The following DCC variants were observed in gnomAD, a reference collection of about 807,000 sequenced individuals.
DCC encodes the protein DCC netrin 1 receptor.
DCC carries 58 observed loss-of-function variants against 172.5 expected under a neutral mutation model. The observed-to-expected ratio is 0.34, with a 90% confidence interval of 0.27 to 0.42. The LOEUF (loss-of-function observed/expected upper bound fraction) is 0.42, where lower values mean the gene tolerates loss of function less well. Among genes scored for constraint, DCC ranks in the 10% least tolerant of loss-of-function variants. DCC has a pLI of 1.00. For synonymous variants in DCC, 709 were observed against 644.5 expected (o/e 1.10, Z -1.52); for missense variants, 1,740 against 1,791.0 (o/e 0.97, Z 0.51).
chr18:53,465,077 A>G (rs1743415208), intron 24 of DCC, among the ~76,000 whole-genome samples: 1 of 151,820 alleles, frequency 6.6e-6, no homozygotes, highest in African/African-American at 2.4e-5. Context: ...AGCACATTAG[A>G]TAGTGTTTTA....
chr18:53,281,918 T>A (rs1278556421), intron 12 of DCC, among the ~76,000 whole-genome samples: 2 of 152,026 alleles, frequency 1.3e-5, no homozygotes, highest in African/African-American at 4.8e-5. Context: ...TACGCTGGGG[T>A]AGGATAAAGT....
In DCC at chr18:52,960,052, T is replaced by G. The variant is rs142366421; in HGVS notation, c.985+34682T>G. 5.9e-5 allele frequency among the ~76,000 whole-genome samples: 9 copies of G among 152,208 alleles called. No individual in the cohort carries two copies. In the East Asian group the frequency reaches 1.7e-3, roughly 29 times the overall value. On this transcript the variant is annotated intron_variant, in intron 5 of 28. Coordinates refer to ENST00000442544, the MANE Select transcript of DCC (RefSeq NM_005215.4). Reference sequence around the variant, plus strand: ...TGAAAAGGTATAGTTTCTACTAACATGGACTTTAAGTAGGCTTGGAGATAC... The same window carrying G: ...TGAAAAGGTATAGTTTCTACTAACAGGGACTTTAAGTAGGCTTGGAGATAC...
intron 1 of DCC, among the ~76,000 whole-genome samples, chr18:52,494,347 T>C (rs2030658713): frequency 6.6e-6 from 1 of 151,564 alleles, no homozygotes; most frequent in Non-Finnish European, 1.5e-5. Context: ...GGAGTTCACT[T>C]AGATTCTCGG....
chr18:53,407,718 T>G (rs1909758163), intron 19 of DCC, among the ~76,000 whole-genome samples: 1 of 151,720 alleles, frequency 6.6e-6, no homozygotes, highest in African/African-American at 2.4e-5. Flanking sequence ...AATGTGTGTA[T>G]GTACACACAC....
At chr18:53,496,337 T>C (rs924747211) in intron 26 of DCC, among the ~76,000 whole-genome samples, 1 of 151,776 alleles carries the variant, frequency 6.6e-6, no homozygotes, top group African/African-American at 2.4e-5. Context: ...TCCAACAAAC[T>C]CCAGCAGACC....
intron 5 of DCC, among the ~76,000 whole-genome samples, chr18:53,033,124 T>C (rs1031774156): frequency 2.6e-5 from 4 of 152,078 alleles, no homozygotes; most frequent in African/African-American, 9.7e-5. Flanking sequence ...CAATGACTTA[T>C]AGAAATAAGA....
rs543513595 is a variant in DCC, at chr18:53,086,443, T to A, written c.1261+20277T>A. On this transcript the variant is annotated intron_variant, in intron 7 of 28. Coordinates refer to ENST00000442544, the MANE Select transcript of DCC (RefSeq NM_005215.4). ...CTTCTTCTTCCTTTCTTCTTCTTCT[T>A]CTTCTTCCTTTCTTCTTCTTCTTCT... Among the ~76,000 whole-genome samples the A allele has an allele frequency of 2.1e-4, 10 of 47,446 alleles. 3 individuals carry two copies. In the African/African-American group the frequency reaches 2.5e-3, roughly 12 times the overall value. 31.1% of individuals were successfully genotyped at this position (47,446 alleles called of 152,430 possible).
chr18:53,510,641 ATGTTTGTT>A (rs367770008), intron 27 of DCC, among the ~76,000 whole-genome samples: 2 of 152,298 alleles, frequency 1.3e-5, no homozygotes, highest in South Asian at 4.1e-4. Context: ...GCCAAGTACT[ATGTTTGTT>A]TGTTATTCTT....
chr18:53,021,160 G>A (rs6508185), intron 5 of DCC, among the ~76,000 whole-genome samples: 9 of 152,248 alleles, frequency 5.9e-5, no homozygotes, highest in Admixed American at 2.0e-4. Flanking sequence ...CACACACACG[G>A]CAGGGTATGG....
At chr18:53,012,832 G>A (rs920723756) in intron 5 of DCC, among the ~76,000 whole-genome samples, 1 of 151,972 alleles carries the variant, frequency 6.6e-6, no homozygotes, top group Non-Finnish European at 1.5e-5. Flanking sequence ...CTCTCCATCT[G>A]ACAAAGGTCT....
chr18:52,753,804 C>T (rs1390167151), intron 2 of DCC, among the ~76,000 whole-genome samples: 2 of 152,156 alleles, frequency 1.3e-5, no homozygotes, highest in South Asian at 2.1e-4. Context: ...GAAGGCAGCT[C>T]ATAATTATTT....
At chr18:52,640,125 A>T in intron 1 of DCC, among the ~76,000 whole-genome samples, 1 of 152,210 alleles carries the variant, frequency 6.6e-6, no homozygotes, top group Non-Finnish European at 1.5e-5. Flanking sequence ...GATCATTTCA[A>T]TAGATGCAGA....
intron 5 of DCC, among the ~76,000 whole-genome samples, chr18:53,033,406 C>T (rs182053166): frequency 9.2e-5 from 14 of 152,234 alleles, no homozygotes; most frequent in African/African-American, 3.1e-4. Context: ...CGCAATGTTT[C>T]CTTTCTCCTC....
At chr18:52,561,290 G>GTC (rs1355974137) in intron 1 of DCC, among the ~76,000 whole-genome samples, 1 of 151,092 alleles carries the variant, frequency 6.6e-6, no homozygotes, top group Non-Finnish European at 1.5e-5. Flanking sequence ...GTGTGTGTAT[G>GTC]TGTGTATGTG....
intron 1 of DCC, among the ~76,000 whole-genome samples, chr18:52,408,303 A>G (rs1986723568): frequency 1.1e-5 from 1 of 87,402 alleles, no homozygotes; most frequent in Admixed American, 1.1e-4. Context: ...TGTAGTTAGA[A>G]GACATTTTAA....
chr18:53,163,305 A>C (rs1357037683), intron 8 of DCC, among the ~76,000 whole-genome samples: 1 of 152,180 alleles, frequency 6.6e-6, no homozygotes, highest in Non-Finnish European at 1.5e-5. Context: ...ACTGAGGAGG[A>C]TGAATAAGCT....
At chr18:53,322,526 T>TA (rs1387494201) in intron 14 of DCC, among the ~76,000 whole-genome samples, 1 of 152,114 alleles carries the variant, frequency 6.6e-6, no homozygotes, top group African/African-American at 2.4e-5. Flanking sequence ...TATAACTATA[T>TA]AATATAGCTT....
chr18:52,752,349 T>C lies in DCC; in HGVS notation c.387T>C (p.Ser129=), dbSNP rs2037009019. ...TAGGAGATTCTGGCTCAATTATTAG[T>C]CGGACAGCAAAAGTTGCAGTAGCAG... ...ASLGDSGSII[S]RTAKVAVAGP... is the part of the protein sequence containing the mutation. The change falls in exon 2 of 29, where the codon AGT becomes AGC. Residue 129 remains serine, a synonymous_variant. Transcript: ENST00000442544. The C allele has an allele frequency of 1.9e-6, 3 of 1,614,066 alleles. No individual in the cohort carries two copies. The highest frequency in any genetic ancestry group is 1.7e-5 in the Admixed American group (1 of 60,004).
At chr18:52,996,140 G>A (rs1310745336) in intron 5 of DCC, among the ~76,000 whole-genome samples, 1 of 151,950 alleles carries the variant, frequency 6.6e-6, no homozygotes, top group Non-Finnish European at 1.5e-5. Flanking sequence ...ACTGCATAGC[G>A]ATGTGTAATA....
Sources: gnomAD v4.1 joint callset for allele counts (sites outside exome capture counted in the v4.1 genomes callset) on GRCh38, gnomAD v4.1.1 for gene constraint, MANE v1.5 for transcripts, NCBI Gene and HGNC (gene_info 2026-07-23, HGNC 2026-07-21) for gene names.